The following MEIKIN variants were observed in gnomAD, a reference collection of about 807,000 sequenced individuals.
MEIKIN encodes meiosis-specific kinetochore protein.
intron 6 of MEIKIN, among the ~76,000 whole-genome samples, chr5:131,921,348 G>GA (rs1751502328): frequency 6.7e-6 from 1 of 148,250 alleles, no homozygotes; most frequent in African/African-American, 2.5e-5. Flanking sequence ...TCCATCTCTA[G>GA]AAAAAATTGT....
chr5:131,903,173 G>A (rs563147905), intron 8 of MEIKIN, among the ~76,000 whole-genome samples: 2 of 152,144 alleles, frequency 1.3e-5, no homozygotes, highest in South Asian at 2.1e-4. Context: ...TAATCTATGA[G>A]TCATTGGTAC....
At chr5:131,858,793 A>C (rs563432536) in intron 9 of MEIKIN, among the ~76,000 whole-genome samples, 81 of 152,372 alleles carry the variant, frequency 5.3e-4, no homozygotes, top group African/African-American at 1.7e-3. Context: ...TTATCAAAAG[A>C]AGATATATGC....
At chr5:131,919,280 A>G (rs1022727590) in intron 6 of MEIKIN, among the ~76,000 whole-genome samples, 2 of 152,184 alleles carry the variant, frequency 1.3e-5, no homozygotes, top group African/African-American at 4.8e-5. Flanking sequence ...TGCTGTTGGG[A>G]ATGCAAACTG....
intron 9 of MEIKIN, among the ~76,000 whole-genome samples, chr5:131,861,489 C>G (rs979606023): frequency 2.6e-5 from 4 of 152,110 alleles, no homozygotes; most frequent in African/African-American, 4.8e-5. Flanking sequence ...ACTTTTGGTA[C>G]TATGTTTAAT....
intron 12 of MEIKIN, among the ~76,000 whole-genome samples, chr5:131,808,901 C>T (rs1772897980): frequency 6.6e-6 from 1 of 152,068 alleles, no homozygotes; most frequent in African/African-American, 2.4e-5. Context: ...CATGGTGAAA[C>T]CCAGTCTCTA....
At chr5:131,894,385 C>G (rs964552614) in intron 8 of MEIKIN, among the ~76,000 whole-genome samples, 4 of 152,124 alleles carry the variant, frequency 2.6e-5, no homozygotes, top group African/African-American at 9.7e-5. Flanking sequence ...AATGCAGGCT[C>G]TTTTTTGGTT....
chr5:131,833,109 AC>A (rs1431166372), intron 11 of MEIKIN, among the ~76,000 whole-genome samples: 2 of 152,202 alleles, frequency 1.3e-5, no homozygotes, highest in African/African-American at 4.8e-5. Context: ...AAATTTTCAA[AC>A]TTTTATGCCG....
chr5:131,931,061 A>G lies in MEIKIN; in HGVS notation c.478+2452T>C, dbSNP rs6887191. ...GACAATTTTACTTGTATCAGCATCTACGCATTAGAAAATAACAGCCACTTC... is the reference window on the plus strand; with the variant it reads ...GACAATTTTACTTGTATCAGCATCTGCGCATTAGAAAATAACAGCCACTTC... On this transcript the variant is annotated intron_variant, in intron 5 of 12. Coordinates refer to ENST00000442687, the MANE Select transcript of MEIKIN (RefSeq NM_001303622.2). Among the ~76,000 whole-genome samples, 789 of 152,198 alleles carry G rather than the reference A, an allele frequency of 5.2e-3. 4 individuals carry two copies. The highest frequency in any genetic ancestry group is 0.017 in the African/African-American group (724 of 41,506).
At position 131,917,427 on chromosome 5, in the gene MEIKIN, G is replaced by A. The variant is rs145236820; in HGVS notation, c.599-502C>T. Among the ~76,000 whole-genome samples, 1,045 of 151,902 alleles carry A rather than the reference G, an allele frequency of 6.9e-3. 12 individuals are homozygous for A. The highest frequency in any genetic ancestry group is 0.024 in the African/African-American group (991 of 41,432). ...CTAAAAACACAAAAATTAGCCGGCC[G>A]TGGCAGCATATGCCTGTAATCCCAG... On this transcript the variant is annotated intron_variant, in intron 6 of 12. Transcript: ENST00000442687.
At chr5:131,937,281 T>A (rs189712335) in intron 4 of MEIKIN, among the ~76,000 whole-genome samples, 90 of 152,326 alleles carry the variant, frequency 5.9e-4, no homozygotes, top group Non-Finnish European at 1.0e-3. Context: ...TGGGTAAGAA[T>A]TCTAGGTTAG....
At chr5:131,848,441 C>T (rs1257941282) in intron 11 of MEIKIN, among the ~76,000 whole-genome samples, 1 of 151,902 alleles carries the variant, frequency 6.6e-6, no homozygotes, top group African/African-American at 2.4e-5. Flanking sequence ...TAAACAAATA[C>T]CTATAAACAC....
rs73788792 is a variant in MEIKIN at position 131,916,365 on chromosome 5, C to T, written c.638+521G>A. On this transcript the variant is annotated intron_variant, in intron 7 of 12. Transcript: ENST00000442687. ...TTATAAAGAGGCTATCATACTAACG[C>T]TACTCTCTTCTCACTCTACATTCTT... is the stretch of plus-strand genomic sequence containing the variant. Among the ~76,000 whole-genome samples the T allele has an allele frequency of 3.0e-3, 463 of 152,318 alleles. 1 individual carries two copies. Among genetic ancestry groups the T allele is most frequent in the African/African-American group, 9.5e-3 (396 of 41,574 alleles).
chr5:131,907,268 C>T (rs1279645803), intron 8 of MEIKIN, among the ~76,000 whole-genome samples: 1 of 151,484 alleles, frequency 6.6e-6, no homozygotes, highest in Non-Finnish European at 1.5e-5. Flanking sequence ...CCTAACAATG[C>T]ATCTAAAAGA....
intron 11 of MEIKIN, among the ~76,000 whole-genome samples, chr5:131,846,411 C>G (rs190404490): frequency 2.3e-4 from 35 of 152,268 alleles, no homozygotes; most frequent in African/African-American, 7.9e-4. Flanking sequence ...TATAACTCTA[C>G]TTCTTGTTTT....
At chr5:131,873,639 C>T (rs1263834126) in intron 9 of MEIKIN, among the ~76,000 whole-genome samples, 1 of 152,178 alleles carries the variant, frequency 6.6e-6, no homozygotes, top group Non-Finnish European at 1.5e-5. Context: ...CAGCTATGCA[C>T]CAAGCGGACC....
intron 12 of MEIKIN, among the ~76,000 whole-genome samples, chr5:131,808,847 G>A (rs901957450): frequency 1.3e-5 from 2 of 152,072 alleles, no homozygotes; most frequent in African/African-American, 2.4e-5. Flanking sequence ...AGGCCAAGGT[G>A]AGCAGATTGC....
chr5:131,943,056 G>A (rs1751900307), intron 3 of MEIKIN, among the ~76,000 whole-genome samples: 1 of 151,798 alleles, frequency 6.6e-6, no homozygotes, highest in Non-Finnish European at 1.5e-5. Context: ...GAAAAGACTA[G>A]TAAGTCTAAA....
intron 3 of MEIKIN, among the ~76,000 whole-genome samples, chr5:131,943,762 ATGTCT>A (rs776684558): frequency 3.9e-5 from 6 of 152,296 alleles, no homozygotes; most frequent in Admixed American, 1.3e-4. Flanking sequence ...TTTTAAAAAA[ATGTCT>A]TGTGTTGAAA....
chr5:131,921,009 C>A lies in MEIKIN; in HGVS notation c.598+813G>T, dbSNP rs1020925122. On this transcript the variant is annotated intron_variant, in intron 6 of 12. Transcript: ENST00000442687. ...CAGCCACTGCACCCAGCCATAACTT[C>A]ATTCCTATCACGAGGAAACATCAAG... 2.6e-5 allele frequency among the ~76,000 whole-genome samples: 4 copies of A among 152,066 alleles called. 1 individual carries two copies. The highest frequency in any genetic ancestry group is 2.0e-4 in the Admixed American group (3 of 15,260).
Sources: allele counts gnomAD v4.1 joint callset (sites outside exome capture counted in the v4.1 genomes callset), GRCh38; gene constraint gnomAD v4.1.1; transcripts MANE v1.5; gene names NCBI Gene and HGNC (gene_info 2026-07-23, HGNC 2026-07-21).